MAPK9: variants seen among roughly 807,000 people sequenced by gnomAD.
MAPK9 encodes the protein mitogen-activated protein kinase 9, also known as Jun kinase.
MAPK9 carries 30 observed loss-of-function variants against 57.1 expected under a neutral mutation model. That is an observed-to-expected ratio of 0.53 (90% confidence interval 0.39 to 0.71). The LOEUF (loss-of-function observed/expected upper bound fraction) is 0.71. Ranked by LOEUF, MAPK9 falls within the 30% of genes least tolerant of loss-of-function variation. The pLI is 0.00. For synonymous variants in MAPK9, 155 were observed against 177.0 expected, an observed-to-expected ratio of 0.88 and a Z score of 0.99; for missense variants, 362 against 521.0, an observed-to-expected ratio of 0.69 and a Z score of 2.97.
intron 2 of MAPK9, among the ~76,000 whole-genome samples, chr5:180,276,741 C>A (rs931949414): frequency 8.5e-5 from 13 of 152,164 alleles, no homozygotes; most frequent in Non-Finnish European, 1.8e-4. Context: ...GTAATCCCAG[C>A]TACTCGGGAG....
intron 8 of MAPK9, among the ~76,000 whole-genome samples, chr5:180,241,579 G>A (rs548471600): frequency 2.0e-5 from 3 of 152,360 alleles, no homozygotes; most frequent in East Asian, 1.9e-4. Flanking sequence ...GATTACAGGC[G>A]TGAGCCGCCG....
Position 180,257,248 on chromosome 5 carries a change from C to G in MAPK9, c.450+4436G>C, listed in dbSNP as rs34369127. Among the ~76,000 whole-genome samples the G allele has an allele frequency of 6.0e-3, 918 of 152,302 alleles. 12 individuals carry two copies. Among genetic ancestry groups the G allele is most frequent in the African/African-American group, 0.021 (866 of 41,574 alleles). On this transcript the variant is annotated intron_variant, in intron 5 of 11. Transcript: ENST00000452135. ...CTCTGTGGGTCGGTGGGCTCTACCC[C>G]CAAGGGAGGCCTTCAATGGCTGTGA...
chr5:180,242,465 A>C (rs1757747106), intron 8 of MAPK9, 108 bp downstream of exon 8: 1 of 1,065,924 alleles, frequency 9.4e-7, no homozygotes, highest in Non-Finnish European at 1.3e-6. Flanking sequence ...CTTCAGGCCT[A>C]AAATGACTTT....
At chr5:180,283,449 C>T (rs1762479527) in intron 1 of MAPK9, among the ~76,000 whole-genome samples, 2 of 152,196 alleles carry the variant, frequency 1.3e-5, no homozygotes, top group South Asian at 4.1e-4. Flanking sequence ...GGCACAGAGC[C>T]ACCCCCCATT....
intron 2 of MAPK9, among the ~76,000 whole-genome samples, chr5:180,278,301 G>T (rs1026756747): frequency 6.6e-6 from 1 of 152,246 alleles, no homozygotes; most frequent in Admixed American, 6.5e-5. Context: ...TGAGGGTTAT[G>T]GCAGAGCTCA....
intron 5 of MAPK9, among the ~76,000 whole-genome samples, chr5:180,253,844 C>T (rs1581207270): frequency 6.6e-6 from 1 of 152,000 alleles, no homozygotes; most frequent in Admixed American, 6.6e-5. Context: ...TAAATGGTGC[C>T]CAGAGAAAAA....
At chr5:180,269,827 G>T (rs780130218) in intron 2 of MAPK9, among the ~76,000 whole-genome samples, 9 of 152,156 alleles carry the variant, frequency 5.9e-5, no homozygotes, top group Non-Finnish European at 1.0e-4. Flanking sequence ...GGAAATGGCT[G>T]AATTCATGAG....
At chr5:180,241,257 T>G (rs1757628925) in intron 8 of MAPK9, 102 bp from the exon 9 acceptor site, 2 of 1,228,456 alleles carry the variant, frequency 1.6e-6, no homozygotes, top group Non-Finnish European at 2.2e-6. Flanking sequence ...CAAAGATATA[T>G]TAATTTTGAG....
chr5:180,238,645 G>GTC (rs1198751306), intron 10 of MAPK9, among the ~76,000 whole-genome samples: 1 of 117,014 alleles, frequency 8.5e-6, no homozygotes, highest in East Asian at 2.5e-4. Flanking sequence ...GTCTCATGCT[G>GTC]TCATCCAGGC....
At chr5:180,282,371 C>T (rs1217296047) in intron 1 of MAPK9, among the ~76,000 whole-genome samples, 1 of 152,200 alleles carries the variant, frequency 6.6e-6, no homozygotes, top group African/African-American at 2.4e-5. Flanking sequence ...CTTGAAACAA[C>T]ATGTACTTCA....
chr5:180,233,261 T>G lies in MAPK9; in HGVS notation c.*3123A>C, dbSNP rs950882615. The G allele has an allele frequency of 6.6e-6, 1 of 152,202 alleles. No individual in the cohort carries two copies. Among genetic ancestry groups the G allele is most frequent in the Non-Finnish European group, 1.5e-5 (1 of 68,056 alleles). 9.4% of individuals were successfully genotyped at this position (152,202 alleles called of 1,614,324 possible). On this transcript the variant is annotated 3_prime_UTR_variant, in exon 12 of 12. Transcript: ENST00000452135. ...CACAAGCACCATGAATGACGTTAAG[T>G]AACATGACTAAGGCTGACTGGTGAA... is the stretch of plus-strand genomic sequence containing the variant.
chr5:180,265,245 C>T (rs376724430), intron 3 of MAPK9, among the ~76,000 whole-genome samples: 6 of 152,178 alleles, frequency 3.9e-5, no homozygotes, highest in East Asian at 1.9e-4. Context: ...TGAAAGGCCT[C>T]GTAGCATCAT....
At chr5:180,267,732 G>A (rs983803856) in intron 3 of MAPK9, among the ~76,000 whole-genome samples, 65 of 152,216 alleles carry the variant, frequency 4.3e-4, no homozygotes, top group African/African-American at 1.0e-3. Context: ...AAGCATGGTG[G>A]CGCACGCCTA....
Position 180,254,906 on chromosome 5 carries a change from C to T in MAPK9, c.451-5768G>A, listed in dbSNP as rs145055976. On this transcript the variant is annotated intron_variant, in intron 5 of 11. Transcript: ENST00000452135. ...AAAATTAGCTGGGCGTGGTGGCGGA[C>T]GCCTGCAGTCCTAGCCACTAGGGAG... is the stretch of plus-strand genomic sequence containing the variant. 4.1e-4 allele frequency among the ~76,000 whole-genome samples: 63 copies of T among 152,220 alleles called. No homozygotes were observed. The East Asian group carries it at 9.1e-3, about 22-fold the overall frequency.
chr5:180,246,996 T>C (rs1758174128), intron 7 of MAPK9: 1 of 163,558 alleles, frequency 6.1e-6, no homozygotes, highest in African/African-American at 2.4e-5. Context: ...TTTCAATGCA[T>C]ACCAGTAACT....
rs564121782 is a variant in MAPK9, at chr5:180,256,294, T to C, written c.450+5390A>G. On this transcript the variant is annotated intron_variant, in intron 5 of 11. Coordinates refer to ENST00000452135, the MANE Select transcript of MAPK9 (RefSeq NM_002752.5). ...CCATTTTAATAGGCAAAATTAAAAG[T>C]GTGTCTATCTCTGTGCATGGTACTG... 3.5e-3 allele frequency among the ~76,000 whole-genome samples: 534 copies of C among 152,226 alleles called. 3 individuals carry two copies. Among genetic ancestry groups the C allele is most frequent in the African/African-American group, 0.012 (481 of 41,520 alleles).
intron 2 of MAPK9, among the ~76,000 whole-genome samples, chr5:180,270,312 C>T (rs1319041818): frequency 6.6e-6 from 1 of 152,146 alleles, no homozygotes; most frequent in Non-Finnish European, 1.5e-5. Flanking sequence ...CAAACTCGAA[C>T]CTAATTCAAT....
intron 3 of MAPK9, among the ~76,000 whole-genome samples, chr5:180,267,473 A>G (rs1416484724): frequency 4.6e-5 from 7 of 150,952 alleles, no homozygotes; most frequent in African/African-American, 1.7e-4. Flanking sequence ...GAGGCAGGAG[A>G]ATGGCGTGAA....
At chr5:180,281,298 C>T (rs1193136498) in intron 1 of MAPK9, among the ~76,000 whole-genome samples, 1 of 152,226 alleles carries the variant, frequency 6.6e-6, no homozygotes, top group Non-Finnish European at 1.5e-5. Context: ...GACAGTCCAT[C>T]ATAGTAACAC....
Sources: allele counts gnomAD v4.1 joint callset (sites outside exome capture counted in the v4.1 genomes callset), GRCh38; gene constraint gnomAD v4.1.1; transcripts MANE v1.5; gene names NCBI Gene and HGNC (gene_info 2026-07-23, HGNC 2026-07-21).